The following HMBOX1 variants were observed in gnomAD, a reference collection of about 807,000 sequenced individuals.
HMBOX1 encodes the protein homeobox-containing protein 1.
In HMBOX1, 14 loss-of-function variants were observed where a neutral mutation model predicts 54.5. The ratio of observed to expected loss-of-function variants is 0.26; its 90% CI spans 0.17 to 0.40. The LOEUF (loss-of-function observed/expected upper bound fraction) is 0.40, where lower values mean the gene tolerates loss of function less well. Among genes scored for constraint, HMBOX1 ranks in the 10% least tolerant of loss-of-function variants. The probability of loss-of-function intolerance (pLI) is 1.00; values close to 1 mark genes in which losing one functional copy is unlikely to be tolerated. For synonymous variants in HMBOX1, 160 were observed against 181.0 expected, an observed-to-expected ratio of 0.88 and a Z score of 0.93; for missense variants, 332 against 514.4, an observed-to-expected ratio of 0.65 and a Z score of 3.43.
intron 1 of HMBOX1, among the ~76,000 whole-genome samples, chr8:28,944,253 T>C (rs965031422): frequency 4.6e-5 from 7 of 152,260 alleles, no homozygotes; most frequent in South Asian, 4.1e-4. Flanking sequence ...TTAATCACCA[T>C]ATCCTATGAA....
At chr8:28,947,592 T>G (rs1472828261) in intron 1 of HMBOX1, among the ~76,000 whole-genome samples, 1 of 152,202 alleles carries the variant, frequency 6.6e-6, no homozygotes, top group Non-Finnish European at 1.5e-5. Flanking sequence ...AAAAATAATG[T>G]CTCAAGTAAC....
chr8:28,986,357 T>G (rs1374343781), intron 4 of HMBOX1, among the ~76,000 whole-genome samples: 1 of 152,250 alleles, frequency 6.6e-6, no homozygotes, highest in Non-Finnish European at 1.5e-5. Flanking sequence ...CAATTATGAA[T>G]AAAGCTGCTA....
chr8:28,914,335 A>G (rs1330054524), intron 1 of HMBOX1, among the ~76,000 whole-genome samples: 1 of 152,214 alleles, frequency 6.6e-6, no homozygotes, highest in Admixed American at 6.5e-5. Context: ...TGGGACTTAT[A>G]TAGTAAAATC....
At chr8:28,997,715 C>G (rs1216532260) in intron 4 of HMBOX1, among the ~76,000 whole-genome samples, 1 of 151,974 alleles carries the variant, frequency 6.6e-6, no homozygotes. Context: ...GCCTTGCTAA[C>G]TTTAAAATTT....
At chr8:28,931,549 T>G (rs116530299) in intron 1 of HMBOX1, among the ~76,000 whole-genome samples, 268 of 152,240 alleles carry the variant, frequency 1.8e-3, no homozygotes, top group African/African-American at 4.7e-3. Flanking sequence ...TGGTGGTGGT[T>G]GTTGTTTTCT....
chr8:28,905,304 A>C (rs1007269638), intron 1 of HMBOX1, among the ~76,000 whole-genome samples: 1 of 152,252 alleles, frequency 6.6e-6, no homozygotes, highest in African/African-American at 2.4e-5. Context: ...ATAAGCCAAA[A>C]GAAAAACAAA....
chr8:29,020,533 C>CT (rs2133021948), intron 6 of HMBOX1, among the ~76,000 whole-genome samples: 2 of 152,200 alleles, frequency 1.3e-5, no homozygotes, highest in South Asian at 4.2e-4. Flanking sequence ...CCTATTTAGT[C>CT]TTAATTTATG....
intron 4 of HMBOX1, among the ~76,000 whole-genome samples, chr8:28,988,185 C>A (rs969885916): frequency 6.6e-6 from 1 of 152,172 alleles, no homozygotes; most frequent in African/African-American, 2.4e-5. Context: ...ACAAAACATA[C>A]CTTTTATGTC....
chr8:29,050,994 C>T (rs765094149), intron 9 of HMBOX1, 24 bp from the exon 10 acceptor site: 3 of 1,604,498 alleles, frequency 1.9e-6, no homozygotes, highest in South Asian at 2.2e-5. Context: ...CCACTAATAA[C>T]ATTTCTTATT....
intron 1 of HMBOX1, among the ~76,000 whole-genome samples, chr8:28,929,082 A>G (rs1032654336): frequency 8.5e-5 from 13 of 152,350 alleles, no homozygotes; most frequent in Non-Finnish European, 1.6e-4. Context: ...ATGTATACAT[A>G]TATCAAAACA....
At chr8:28,965,317 T>C (rs563269529) in intron 2 of HMBOX1, among the ~76,000 whole-genome samples, 34 of 152,348 alleles carry the variant, frequency 2.2e-4, no homozygotes, top group African/African-American at 7.5e-4. Flanking sequence ...TTGTCACATA[T>C]GGTAGAAATA....
intron 1 of HMBOX1, among the ~76,000 whole-genome samples, chr8:28,946,689 T>C (rs1822537768): frequency 6.6e-6 from 1 of 152,226 alleles, no homozygotes; most frequent in South Asian, 2.1e-4. Flanking sequence ...AAAATGCTGG[T>C]TAAAAATAAC....
chr8:28,921,027 A>G (rs1405528569), intron 1 of HMBOX1, among the ~76,000 whole-genome samples: 1 of 152,236 alleles, frequency 6.6e-6, no homozygotes, highest in Non-Finnish European at 1.5e-5. Context: ...AACATTTCAT[A>G]AGCATTTAAA....
At chr8:29,009,295 G>A (rs1022399414) in intron 5 of HMBOX1, 113 bp downstream of exon 5, 21 of 1,062,988 alleles carry the variant, frequency 2.0e-5, no homozygotes, top group Admixed American at 1.3e-4. Context: ...ACTTTACTAT[G>A]GTTGCTTTAT....
At chr8:28,991,222 A>G (rs1830937530) in intron 4 of HMBOX1, among the ~76,000 whole-genome samples, 1 of 152,216 alleles carries the variant, frequency 6.6e-6, no homozygotes, top group South Asian at 2.1e-4. Context: ...AGAGATTATT[A>G]GGTCCTTAAT....
chr8:28,970,361 C>A lies in HMBOX1; in HGVS notation c.342C>A (p.Thr114=). The A allele has an allele frequency of 6.2e-7, 1 of 1,614,154 alleles. No homozygotes were observed. The highest frequency in any genetic ancestry group is 8.5e-7 in the Non-Finnish European group (1 of 1,180,006). ...ATACTTCCCCACAGCCTTGCACTAC[C>A]AATCAAAATGGGAGGGAGAATAATG... The part of the protein sequence containing the change: ...SYDTSPQPCT[T]NQNGRENNER... Residue 114 remains threonine (T), a synonymous_variant, in exon 3 of 10, where the codon ACC becomes ACA. Transcript: ENST00000287701. The surrounding 1 kb of genome is among the most constrained non-coding windows in gnomAD (Gnocchi z 4.3).
At position 28,970,328 on chromosome 8, in the gene HMBOX1, C is replaced by T. The variant is rs1586174891; in HGVS notation, c.309C>T (p.Asn103=). ...QHSGMSPSPS[N]SYDTSPQPCT... The stretch of plus-strand genomic sequence containing the variant: ...CGGGAATGTCCCCGTCACCTAGCAA[C>T]AGTTATGATACTTCCCCACAGCCTT... The change falls in exon 3 of 10, where the codon AAC becomes AAT. Residue 103 remains asparagine, a synonymous_variant. Coordinates refer to ENST00000287701, the MANE Select transcript of HMBOX1 (RefSeq NM_001135726.3). The surrounding 1 kb of genome is among the most constrained non-coding windows in gnomAD (Gnocchi z 4.3). The T allele has an allele frequency of 6.2e-7, 1 of 1,614,210 alleles. No individual in the cohort carries two copies. The highest frequency in any genetic ancestry group is 1.3e-5 in the African/African-American group (1 of 75,074).
chr8:28,895,108 G>A (rs1320692374), intron 1 of HMBOX1, among the ~76,000 whole-genome samples: 1 of 152,166 alleles, frequency 6.6e-6, no homozygotes, highest in Non-Finnish European at 1.5e-5. Flanking sequence ...TTAGAGTGTG[G>A]ATTGTGATAA....
chr8:28,990,300 G>A (rs1236323097), intron 4 of HMBOX1, among the ~76,000 whole-genome samples: 1 of 152,116 alleles, frequency 6.6e-6, no homozygotes, highest in African/African-American at 2.4e-5. Context: ...CATTAAGTAT[G>A]ATCTTAGCTG....
Sources: gnomAD v4.1 joint callset for allele counts (sites outside exome capture counted in the v4.1 genomes callset) on GRCh38, gnomAD v4.1.1 for gene constraint, Gnocchi (gnomAD v3.1) non-coding constraint, MANE v1.5 for transcripts, NCBI Gene and HGNC (gene_info 2026-07-23, HGNC 2026-07-21) for gene names.